GCSH: variants seen among roughly 807,000 people sequenced by gnomAD.
GCSH encodes the protein glycine cleavage system protein H.
Under a neutral mutation model 21.3 loss-of-function variants are expected in GCSH, and 15 were observed. The observed-to-expected ratio is 0.70, with a 90% CI of 0.47 to 1.08. GCSH has a LOEUF of 1.08. GCSH is among the 50% of genes least tolerant of loss of function. The pLI, the probability that GCSH is intolerant of heterozygous loss-of-function variation, is 0.00. For missense variants in GCSH, 179 were observed against 217.5 expected (o/e 0.82, Z 1.11); for synonymous variants, 59 against 84.5 (o/e 0.70, Z 1.66).
Position 81,096,376 on chromosome 16 carries a change from G to C in GCSH, c.-98C>G, listed in dbSNP as rs1483296868. The stretch of plus-strand genomic sequence containing the variant: ...GTTCGCGGCCGGAGGGAGCCGGCTG[G>C]ATGGAGGCGCGGAGGCGGTGCCGCG... On this transcript the variant is annotated 5_prime_UTR_variant, in exon 1 of 5. It adds an upstream start codon to the 5' untranslated region. Transcript: ENST00000315467. 3.0e-5 allele frequency: 32 copies of C among 1,072,340 alleles called. No individual in the cohort carries two copies. Among genetic ancestry groups the C allele is most frequent in the Non-Finnish European group, 3.1e-5 (25 of 815,342 alleles). 66.4% of individuals were successfully genotyped at this position (1,072,340 alleles called of 1,614,324 possible).
At chr16:81,094,189 C>G (rs865861463) in intron 1 of GCSH, among the ~76,000 whole-genome samples, 7 of 152,160 alleles carry the variant, frequency 4.6e-5, no homozygotes, top group Admixed American at 1.3e-4. Flanking sequence ...CATGAGCCAC[C>G]GTGCCTGGAC....
Position 81,087,604 on chromosome 16 carries a change from G to A in GCSH, c.289C>T (p.Gln97Ter). Residue 97 changes from glutamine to a stop codon, truncating the protein, a stop_gained, in exon 3 of 5, where the codon CAA (glutamine) becomes TAA (stop). Coordinates refer to ENST00000315467, the MANE Select transcript of GCSH (RefSeq NM_004483.5). LOFTEE classifies it high-confidence loss of function. ...CTAAGATCCTAAGAACACTCACCTT[G>A]TTTGTTCAATTTTGTCCCAACTTCA... ...LPEVGTKLNK[Q>*]DEFGALESVK... 6.3e-7 allele frequency: 1 copy of A among 1,595,872 alleles called. No individual in the cohort carries two copies. The highest frequency in any genetic ancestry group is 8.6e-7 in the Non-Finnish European group (1 of 1,164,226).
chr16:81,096,092 C>G, intron 1 of GCSH, 39 bp downstream of exon 1: 1 of 1,234,230 alleles, frequency 8.1e-7, no homozygotes, highest in South Asian at 3.7e-5. Flanking sequence ...GCAGCCCAGG[C>G]GGGGAGGGAG....
chr16:81,095,027 C>A (rs1039592944), intron 1 of GCSH, among the ~76,000 whole-genome samples: 1 of 150,400 alleles, frequency 6.6e-6, no homozygotes, highest in Non-Finnish European at 1.5e-5. Flanking sequence ...TGGGAGGTGG[C>A]GCTTGCAGTG....
chr16:81,094,897 G>C (rs771642509), intron 1 of GCSH, among the ~76,000 whole-genome samples: 1 of 152,062 alleles, frequency 6.6e-6, no homozygotes, highest in African/African-American at 2.4e-5. Flanking sequence ...AGGAGTTTGA[G>C]ACCAGCCTAA....
chr16:81,084,770 C>T (rs148311409), intron 3 of GCSH, among the ~76,000 whole-genome samples, 176 bp from the exon 4 acceptor site: 218 of 143,520 alleles, frequency 1.5e-3, no homozygotes, highest in African/African-American at 5.4e-3. Context: ...AGTGCAGTGG[C>T]GCAATCTCAC....
intron 1 of GCSH, among the ~76,000 whole-genome samples, chr16:81,095,783 T>C (rs1485833800): frequency 1.3e-5 from 2 of 149,392 alleles, no homozygotes; most frequent in African/African-American, 4.9e-5. Context: ...GAGATAAACT[T>C]AAGGCCACCG....
At position 81,082,000 on chromosome 16, in the gene GCSH, A is replaced by T. The variant is rs1160722296; in HGVS notation, c.*866T>A. The T allele has an allele frequency of 2.2e-6, 1 of 452,944 alleles. No homozygotes were observed. The highest frequency in any genetic ancestry group is 2.4e-5 in the Admixed American group (1 of 42,462). 28.1% of individuals were successfully genotyped at this position (452,944 alleles called of 1,614,324 possible). A position where few individuals can be genotyped will look rare whatever the true frequency, so the allele number is the denominator to read the frequency against. ...ACTTTTATTCCCATGACTTAAGTGG[A>T]AACCTGAACGTGGTTTAACAACTTA... On this transcript the variant is annotated 3_prime_UTR_variant, in exon 5 of 5. Coordinates refer to ENST00000315467, the MANE Select transcript of GCSH (RefSeq NM_004483.5).
intron 2 of GCSH, among the ~76,000 whole-genome samples, chr16:81,088,878 T>C (rs1236473533): frequency 6.6e-6 from 1 of 152,154 alleles, no homozygotes; most frequent in African/African-American, 2.4e-5. Flanking sequence ...GGTCTCTCCA[T>C]CAGGTAAGTG....
At chr16:81,091,256 A>C (rs1972391818) in intron 1 of GCSH, 2 of 360,900 alleles carry the variant, frequency 5.5e-6, no homozygotes, top group Middle Eastern at 9.6e-4. Context: ...AGTTCTTAAA[A>C]TTCTACTTTA....
chr16:81,092,716 C>A (rs990068464), intron 1 of GCSH, among the ~76,000 whole-genome samples: 1 of 151,866 alleles, frequency 6.6e-6, no homozygotes, highest in African/African-American at 2.4e-5. Flanking sequence ...GCACTCCAGC[C>A]TAAGCAACAG....
intron 2 of GCSH, among the ~76,000 whole-genome samples, chr16:81,088,137 T>A (rs769542409): frequency 1.3e-5 from 2 of 151,712 alleles, no homozygotes; most frequent in African/African-American, 2.4e-5. Context: ...AGAATAAAAA[T>A]AAATGGCTGG....
intron 1 of GCSH, among the ~76,000 whole-genome samples, chr16:81,093,196 A>G (rs903228298): frequency 5.3e-5 from 8 of 152,074 alleles, no homozygotes; most frequent in African/African-American, 1.9e-4. Flanking sequence ...AGGAAAATAG[A>G]TAGTATATAG....
chr16:81,092,328 C>T (rs982572440), intron 1 of GCSH, among the ~76,000 whole-genome samples: 1 of 151,730 alleles, frequency 6.6e-6, no homozygotes, highest in African/African-American at 2.4e-5. Context: ...TGTGTACCCA[C>T]CAAGAAACAG....
intron 1 of GCSH, among the ~76,000 whole-genome samples, chr16:81,094,213 T>A (rs889013679): frequency 6.6e-6 from 1 of 152,228 alleles, no homozygotes; most frequent in African/African-American, 2.4e-5. Context: ...AATTACTTTC[T>A]AACTGGGCCT....
intron 3 of GCSH, among the ~76,000 whole-genome samples, chr16:81,087,192 G>A (rs146560858): frequency 4.7e-4 from 72 of 152,062 alleles, no homozygotes; most frequent in African/African-American, 1.7e-3. Flanking sequence ...CAGCCTCTGA[G>A]TAGCAATTAC....
chr16:81,087,443 G>C (rs551496273), intron 3 of GCSH, among the ~76,000 whole-genome samples, 158 bp downstream of exon 3: 1 of 151,662 alleles, frequency 6.6e-6, no homozygotes, highest in African/African-American at 2.4e-5. Context: ...GGTTACAGTG[G>C]GCCGAGATGG....
chr16:81,084,596 T>C lies in GCSH; in HGVS notation c.293-2A>G. 1 of 1,602,888 alleles carries C rather than the reference T, an allele frequency of 6.2e-7. No homozygotes were observed. Among genetic ancestry groups the C allele is most frequent in the Non-Finnish European group, 8.5e-7 (1 of 1,171,122 alleles). On this transcript the variant is annotated splice_acceptor_variant, in intron 3 of 4. Coordinates refer to ENST00000315467, the MANE Select transcript of GCSH (RefSeq NM_004483.5). LOFTEE classifies it high-confidence loss of function. ...CACTTTCCAAAGCACCAAACTCATC[T>C]AAGTGGAAAAAAAATTAAAGAAAAC...
At chr16:81,083,010 G>T in intron 4 of GCSH, 47 bp from the exon 5 acceptor site, 1 of 1,144,206 alleles carries the variant, frequency 8.7e-7, no homozygotes, top group Non-Finnish European at 1.3e-6. Flanking sequence ...TTTTTAAAAA[G>T]TCAAATTCAT....
Sources: allele counts gnomAD v4.1 joint callset (sites outside exome capture counted in the v4.1 genomes callset), GRCh38; gene constraint gnomAD v4.1.1; transcripts MANE v1.5; gene names NCBI Gene and HGNC (gene_info 2026-07-23, HGNC 2026-07-21).